CEP250: variants seen among roughly 807,000 people sequenced by gnomAD.
The protein encoded by CEP250 is centrosomal protein 250, also known as centrosome-associated protein CEP250.
Under a neutral mutation model 315.7 loss-of-function variants are expected in CEP250, and 242 were observed. The ratio of observed to expected loss-of-function variants is 0.77; its 90% confidence interval spans 0.69 to 0.85. The LOEUF (loss-of-function observed/expected upper bound fraction) is 0.85. CEP250 is among the 40% of genes least tolerant of loss of function. The probability of loss-of-function intolerance (pLI) is 0.00; values close to 1 mark genes in which losing one functional copy is unlikely to be tolerated. For synonymous variants in CEP250, 1,088 were observed against 1,175.0 expected (o/e 0.93, Z 1.51); for missense variants, 2,515 against 2,886.4 (o/e 0.87, Z 2.95).
chr20:35,502,238 A>T, intron 29 of CEP250, 152 bp from the exon 30 acceptor site: 1 of 755,700 alleles, frequency 1.3e-6, no homozygotes, highest in Non-Finnish European at 2.1e-6. Context: ...ATGCCCTTTT[A>T]CAGTATCAGC....
In CEP250 at chr20:35,477,936, G is replaced by A. The variant is rs746247113; in HGVS notation, c.1929G>A (p.Leu643=). 6.2e-7 allele frequency: 1 copy of A among 1,609,402 alleles called. No homozygotes were observed. Among genetic ancestry groups the A allele is most frequent in the East Asian group, 2.2e-5 (1 of 44,782 alleles). The change falls in exon 17 of 35, where the codon TTG becomes TTA. Residue 643 remains leucine, a synonymous_variant. Coordinates refer to ENST00000397527, the MANE Select transcript of CEP250 (RefSeq NM_007186.6). ...CCGCAGAGCAGGCGAGAAATGCTTT[G>A]CAGGTCGACCTGGCGGAGGCAGAGA... ...MEAAEQARNA[L]QVDLAEAEKR... is the part of the protein sequence containing the mutation.
At chr20:35,458,865 A>G (rs1568747923) in intron 2 of CEP250, among the ~76,000 whole-genome samples, 1 of 151,998 alleles carries the variant, frequency 6.6e-6, no homozygotes, top group Admixed American at 6.6e-5. Context: ...ATTTTTTACA[A>G]CAATTTTAGG....
In CEP250 at chr20:35,497,748, A is replaced by G. The variant is rs2063881623; in HGVS notation, c.3336A>G (p.Glu1112=). 7 of 1,558,028 alleles carry G rather than the reference A, an allele frequency of 4.5e-6. No homozygotes were observed. In the African/African-American group the frequency reaches 5.5e-5, roughly 12 times the overall value. The part of the protein sequence containing the change: ...QMELLRQEVK[E]KEADFLAQEA... ...AATTACTAAGGCAAGAGGTGAAGGA[A>G]AAGGAGGCTGACTTTCTGGCCCAGG... The change falls in exon 26 of 35, where the codon GAA becomes GAG. Residue 1112 remains glutamate, a synonymous_variant. Coordinates refer to ENST00000397527, the MANE Select transcript of CEP250 (RefSeq NM_007186.6).
intron 20 of CEP250, among the ~76,000 whole-genome samples, chr20:35,486,379 C>CT (rs1456095077): frequency 6.6e-6 from 1 of 151,762 alleles, no homozygotes; most frequent in African/African-American, 2.4e-5. Flanking sequence ...CTAGCTAGGA[C>CT]TACAGGCATG....
At chr20:35,477,809 T>G in intron 16 of CEP250, 62 bp from the exon 17 acceptor site, 1 of 1,334,458 alleles carries the variant, frequency 7.5e-7, no homozygotes, top group South Asian at 1.3e-5. Context: ...GTCTTAGCAT[T>G]TGATTCCTAA....
rs1275260872 is a variant in CEP250, at chr20:35,498,581, C to T, written c.3656-14C>T. ...AGTGGCAGCCAGGTAAGGAGGTTTT[C>T]CTCATTTTTTCAGACCAGAATGGAG... On this transcript the variant is annotated splice_polypyrimidine_tract_variant and intron_variant, in intron 26 of 34. Transcript: ENST00000397527. The T allele has an allele frequency of 6.2e-7, 1 of 1,604,358 alleles. No homozygotes were observed. The highest frequency in any genetic ancestry group is 1.7e-5 in the Admixed American group (1 of 57,358).
chr20:35,482,164 A>G (rs1293690646), intron 20 of CEP250, among the ~76,000 whole-genome samples: 1 of 152,160 alleles, frequency 6.6e-6, no homozygotes, highest in African/African-American at 2.4e-5. Context: ...TTCTCTCAAC[A>G]TTGTTGGTAT....
Position 35,497,933 on chromosome 20 carries a change from A to ACCAGGC in CEP250, c.3538_3543dup (p.Ala1180_Gln1181dup), listed in dbSNP as rs561035032. ...CTGGCCGCAGAGCAGCAGCCCGGGA[A>ACCAGGC]CCAGGCCCAGGCCCAGGCCCAGCTG... On this transcript the variant is annotated inframe_insertion, in exon 26 of 35. Coordinates refer to ENST00000397527, the MANE Select transcript of CEP250 (RefSeq NM_007186.6). 1.0e-3 allele frequency: 1,630 copies of ACCAGGC among 1,611,858 alleles called. 6 individuals carry two copies. The highest frequency in any genetic ancestry group is 7.4e-4 in the Admixed American group (44 of 59,684).
chr20:35,512,911 C>T lies in CEP250; in HGVS notation c.*1285C>T, dbSNP rs1208007621. 4 of 152,356 alleles carry T rather than the reference C, an allele frequency of 2.6e-5. No homozygotes were observed. The highest frequency in any genetic ancestry group is 4.8e-5 in the African/African-American group (2 of 41,436). 9.4% of individuals were successfully genotyped at this position (152,356 alleles called of 1,614,324 possible). A position where few individuals can be genotyped will look rare whatever the true frequency, so the allele number is the denominator to read the frequency against. Reference sequence around the variant, plus strand: ...CCATTACCTTCCTCTGGCACTCCCACCATAATCTGGAATTCCTCTTTACTA... The same window carrying T: ...CCATTACCTTCCTCTGGCACTCCCATCATAATCTGGAATTCCTCTTTACTA... On this transcript the variant is annotated 3_prime_UTR_variant, in exon 35 of 35. Coordinates refer to ENST00000397527, the MANE Select transcript of CEP250 (RefSeq NM_007186.6).
intron 20 of CEP250, among the ~76,000 whole-genome samples, chr20:35,483,276 C>T (rs910343909): frequency 3.3e-5 from 5 of 150,972 alleles, no homozygotes; most frequent in Non-Finnish European, 7.4e-5. Context: ...GCTGAGATCG[C>T]GCCATTACAC....
intron 13 of CEP250, 100 bp downstream of exon 13, chr20:35,473,652 T>A: frequency 7.9e-7 from 1 of 1,259,288 alleles, no homozygotes; most frequent in Non-Finnish European, 1.1e-6. Context: ...GGGGTGCTGA[T>A]CCTGTTCTCC....
intron 20 of CEP250, among the ~76,000 whole-genome samples, chr20:35,480,831 A>C (rs1218489138): frequency 6.6e-6 from 1 of 151,880 alleles, no homozygotes; most frequent in Non-Finnish European, 1.5e-5. Context: ...CTCGTGATCC[A>C]CCTGCCTCAG....
At position 35,502,561 on chromosome 20, in the gene CEP250, G is replaced by A. The variant is rs1462991376; in HGVS notation, c.4192G>A (p.Glu1398Lys). The A allele has an allele frequency of 3.7e-6, 6 of 1,614,208 alleles. No homozygotes were observed. The highest frequency in any genetic ancestry group is 5.1e-6 in the Non-Finnish European group (6 of 1,180,040). Residue 1398 changes from glutamate (E) to lysine (K), a missense_variant, in exon 30 of 35, where the codon GAG becomes AAG. By Grantham distance (56) the Glu-to-Lys change is moderately conservative. Coordinates refer to ENST00000397527, the MANE Select transcript of CEP250 (RefSeq NM_007186.6). The stretch of plus-strand genomic sequence containing the variant: ...GCTGAAAAATGAGGAAGTAGAGAGT[G>A]AGCGTGAGAGAGCCCAGGCTCTGCA... ...LKLKNEEVESERERAQALQEQ... is the reference protein window; with the variant it reads ...LKLKNEEVESKRERAQALQEQ...
At chr20:35,475,793 C>A (rs2063156285) in intron 15 of CEP250, 147 bp downstream of exon 15, 1 of 824,632 alleles carries the variant, frequency 1.2e-6, no homozygotes, top group East Asian at 2.6e-5. Flanking sequence ...TCCAACATAC[C>A]CTCTATATTG....
intron 24 of CEP250, among the ~76,000 whole-genome samples, chr20:35,496,060 G>A (rs1265247325): frequency 6.6e-6 from 1 of 152,176 alleles, no homozygotes; most frequent in Admixed American, 6.5e-5. Flanking sequence ...CACTGAGCTA[G>A]GGAACATAGT....
In CEP250 at chr20:35,472,028, CTCTGT is replaced by C. The variant is rs761882466; in HGVS notation, c.949-18_949-14del. On this transcript the variant is annotated splice_polypyrimidine_tract_variant and intron_variant, in intron 10 of 34. Transcript: ENST00000397527. The stretch of plus-strand genomic sequence containing the variant: ...CACTTTTGAGAGTTTGGCTCTGAGG[CTCTGT>C]TCTATTCCCTGTTCAGGAGACAAAT... The C allele has an allele frequency of 7.1e-7, 1 of 1,405,192 alleles. No homozygotes were observed. Among genetic ancestry groups the C allele is most frequent in the Non-Finnish European group, 1.0e-6 (1 of 990,652 alleles). The allele number at this position is 1,405,192 out of a possible 1,614,324, so 87.0% of individuals were successfully genotyped here.
intron 32 of CEP250, 66 bp from the exon 33 acceptor site, chr20:35,508,877 G>T: frequency 7.3e-7 from 1 of 1,360,810 alleles, no homozygotes. Context: ...CACCTCTGGA[G>T]AAAGGCAGCT....
Position 35,504,483 on chromosome 20 carries a change from GC to G in CEP250, c.6115del (p.Gln2039SerfsTer13). ...QDLRYQEDVQ[Q>X]LQQALAQRDE... ...ATCTCCGATACCAGGAGGATGTGCA[GC>G]AGCTGCAGCAGGCACTTGCCCAGAG... On this transcript the variant is annotated frameshift_variant, in exon 30 of 35. Transcript: ENST00000397527. LOFTEE classifies it high-confidence loss of function. 6.2e-7 allele frequency: 1 copy of G among 1,613,662 alleles called. No individual in the cohort carries two copies.
At chr20:35,474,572 G>A (rs1471787617) in intron 14 of CEP250, among the ~76,000 whole-genome samples, 2 of 152,178 alleles carry the variant, frequency 1.3e-5, no homozygotes. Context: ...GAGTAGGCTG[G>A]GCTGGCTAAA....
Sources: gnomAD v4.1 joint callset for allele counts (sites outside exome capture counted in the v4.1 genomes callset) on GRCh38, gnomAD v4.1.1 for gene constraint, MANE v1.5 for transcripts, NCBI Gene and HGNC (gene_info 2026-07-23, HGNC 2026-07-21) for gene names.